The following SSH2 variants were observed in gnomAD, a reference collection of about 807,000 sequenced individuals.
The protein encoded by SSH2 is protein phosphatase Slingshot homolog 2.
Under a neutral mutation model 135.2 loss-of-function variants are expected in SSH2, and 37 were observed. That is an observed-to-expected ratio of 0.27 (90% CI 0.21 to 0.36). The LOEUF is 0.36. Among genes scored for constraint, SSH2 ranks in the 10% least tolerant of loss-of-function variants. The probability of loss-of-function intolerance (pLI) is 1.00; values close to 1 mark genes in which losing one functional copy is unlikely to be tolerated. For synonymous variants in SSH2, 628 were observed against 646.2 expected (o/e 0.97, Z 0.43); for missense variants, 1,408 against 1,765.3 (o/e 0.80, Z 3.63).
chr17:29,661,838 T>C (rs748209291), intron 11 of SSH2, among the ~76,000 whole-genome samples: 122 of 152,258 alleles, frequency 8.0e-4, no homozygotes, highest in Non-Finnish European at 1.5e-3. Context: ...TACCTATCCA[T>C]TGGCAAATAA....
chr17:29,657,078 T>G (rs1033343843), intron 11 of SSH2, among the ~76,000 whole-genome samples: 21 of 152,202 alleles, frequency 1.4e-4, no homozygotes, highest in African/African-American at 5.1e-4. Context: ...GTGACTCTCC[T>G]GCCTCAGCCT....
chr17:29,925,448 G>A lies in SSH2; in HGVS notation c.63+4490C>T, dbSNP rs546535504. ...TTGAAAATTGTAGCCGGTCACAGTG[G>A]CTCATGACTATAATCCCAATTCTTT... On this transcript the variant is annotated intron_variant, in intron 1 of 15. Coordinates refer to ENST00000540801, the MANE Select transcript of SSH2 (RefSeq NM_001282129.2). The A allele has an allele frequency of 1.2e-3, 479 of 398,412 alleles. 4 individuals are homozygous for A. The highest frequency in any genetic ancestry group is 4.4e-3 in the Middle Eastern group (7 of 1,588). 24.7% of individuals were successfully genotyped at this position (398,412 alleles called of 1,614,324 possible).
At chr17:29,783,292 A>G (rs1339836064) in intron 3 of SSH2, among the ~76,000 whole-genome samples, 1 of 142,190 alleles carries the variant, frequency 7.0e-6, no homozygotes, top group Non-Finnish European at 1.5e-5. Flanking sequence ...TATATATATA[A>G]TATTTATATA....
chr17:29,682,460 T>G (rs1005129524), intron 6 of SSH2, among the ~76,000 whole-genome samples: 3 of 152,136 alleles, frequency 2.0e-5, no homozygotes, highest in Admixed American at 6.6e-5. Flanking sequence ...AACTGAGGAA[T>G]TGAAATTTCA....
chr17:29,672,726 C>T (rs2037543550), intron 8 of SSH2, among the ~76,000 whole-genome samples: 1 of 152,144 alleles, frequency 6.6e-6, no homozygotes, highest in African/African-American at 2.4e-5. Flanking sequence ...TTTGTTGAGA[C>T]AGTGACTCAC....
At chr17:29,714,496 T>C (rs370239968) in intron 3 of SSH2, among the ~76,000 whole-genome samples, 1 of 152,278 alleles carries the variant, frequency 6.6e-6, no homozygotes, top group African/African-American at 2.4e-5. Flanking sequence ...TCATCTTCTG[T>C]TCTTTGTTGC....
intron 3 of SSH2, among the ~76,000 whole-genome samples, chr17:29,704,241 T>C (rs954667885): frequency 1.3e-5 from 2 of 152,186 alleles, no homozygotes; most frequent in Admixed American, 6.5e-5. Context: ...TTGTTTAAAA[T>C]ATACACAACA....
chr17:29,769,020 G>A (rs2041510808), intron 3 of SSH2, among the ~76,000 whole-genome samples: 1 of 152,008 alleles, frequency 6.6e-6, no homozygotes, highest in Non-Finnish European at 1.5e-5. Flanking sequence ...TTCGAGACCA[G>A]CCTAGGCAAC....
At chr17:29,871,388 C>T (rs921467881) in intron 1 of SSH2, among the ~76,000 whole-genome samples, 1 of 152,140 alleles carries the variant, frequency 6.6e-6, no homozygotes, top group African/African-American at 2.4e-5. Flanking sequence ...GAACATTGGA[C>T]TCAGAATGTT....
At chr17:29,900,213 TAGGCATGGGCA>T (rs2066523969) in intron 1 of SSH2, among the ~76,000 whole-genome samples, 1 of 152,200 alleles carries the variant, frequency 6.6e-6, no homozygotes, top group African/African-American at 2.4e-5. Context: ...ATTCAGGACA[TAGGCATGGGCA>T]AGGAATTTAT....
intron 2 of SSH2, among the ~76,000 whole-genome samples, chr17:29,828,502 A>G (rs1474731056): frequency 1.3e-5 from 2 of 152,226 alleles, no homozygotes; most frequent in African/African-American, 4.8e-5. Flanking sequence ...GGCTAAAGAC[A>G]GTGAGAATCC....
intron 3 of SSH2, among the ~76,000 whole-genome samples, chr17:29,758,304 A>G (rs1479207738): frequency 6.6e-6 from 1 of 152,186 alleles, no homozygotes; most frequent in East Asian, 1.9e-4. Flanking sequence ...GGCCTAGGAA[A>G]TAGATCTGGA....
chr17:29,825,971 A>G (rs933460696), intron 2 of SSH2, among the ~76,000 whole-genome samples: 5 of 152,230 alleles, frequency 3.3e-5, no homozygotes, highest in African/African-American at 1.2e-4. Flanking sequence ...GAATAGCTAC[A>G]TATATTAAAT....
At chr17:29,708,589 CAAAAAAA>C (rs61012646) in intron 3 of SSH2, among the ~76,000 whole-genome samples, 2 of 98,928 alleles carry the variant, frequency 2.0e-5, no homozygotes, top group Non-Finnish European at 2.1e-5. Context: ...AACTCTGCTT[CAAAAAAA>C]AAAAAAAAAA....
In SSH2 at chr17:29,676,891, G is replaced by A. The variant is rs1311229432; in HGVS notation, c.549-6C>T. 6.2e-7 allele frequency: 1 copy of A among 1,612,698 alleles called. No individual in the cohort carries two copies. The highest frequency in any genetic ancestry group is 1.3e-5 in the African/African-American group (1 of 74,860). On this transcript the variant is annotated splice_region_variant and splice_polypyrimidine_tract_variant and intron_variant, in intron 7 of 15. Transcript: ENST00000540801. ...CCGTCGATACACTGAACCCACTAAG[G>A]ACAAATGAGAACAAGACAAAAATCC...
chr17:29,673,756 CAA>C (rs2037593021), intron 8 of SSH2: 1 of 244,370 alleles, frequency 4.1e-6, no homozygotes, highest in African/African-American at 2.2e-5. Flanking sequence ...GTATAATAAA[CAA>C]AGATATGACC....
intron 6 of SSH2, among the ~76,000 whole-genome samples, chr17:29,682,418 G>A (rs569203240): frequency 2.6e-4 from 39 of 152,242 alleles, no homozygotes; most frequent in South Asian, 2.3e-3. Context: ...TAGCACATAC[G>A]GTTACTGAAT....
chr17:29,924,169 A>G (rs2067024403), intron 1 of SSH2, among the ~76,000 whole-genome samples: 1 of 152,164 alleles, frequency 6.6e-6, no homozygotes, highest in Non-Finnish European at 1.5e-5. Flanking sequence ...ATTCAAAGGC[A>G]TCACTTTTTT....
chr17:29,858,981 A>T (rs1250087298), intron 1 of SSH2, among the ~76,000 whole-genome samples: 3 of 152,252 alleles, frequency 2.0e-5, no homozygotes, highest in Admixed American at 2.0e-4. Flanking sequence ...CTACAGGCCA[A>T]GAAGGTCAGC....
Sources: gnomAD v4.1 joint callset for allele counts (sites outside exome capture counted in the v4.1 genomes callset) on GRCh38, gnomAD v4.1.1 for gene constraint, MANE v1.5 for transcripts, NCBI Gene and HGNC (gene_info 2026-07-23, HGNC 2026-07-21) for gene names.